LARGE1: variants seen among roughly 807,000 people sequenced by gnomAD.
LARGE1 encodes the protein xylosyl- and glucuronyltransferase LARGE1.
Under a neutral mutation model 87.6 loss-of-function variants are expected in LARGE1, and 43 were observed. The observed-to-expected ratio is 0.49, with a 90% CI of 0.38 to 0.63. The LOEUF (loss-of-function observed/expected upper bound fraction) is 0.63. LARGE1 is among the 30% of genes least tolerant of loss of function. The pLI is 0.00. For synonymous variants in LARGE1, 434 were observed against 394.6 expected (o/e 1.10, Z -1.18); for missense variants, 802 against 1,000.2 (o/e 0.80, Z 2.67).
At chr22:33,889,277 G>C (rs908513400) in intron 1 of LARGE1, 1 of 152,228 alleles carries the variant, frequency 6.6e-6, no homozygotes, top group African/African-American at 2.4e-5. Flanking sequence ...GCAAGTGTAT[G>C]TCTGACAATT....
chr22:33,383,007 G>A (rs1461056661), intron 8 of LARGE1, among the ~76,000 whole-genome samples: 1 of 152,070 alleles, frequency 6.6e-6, no homozygotes, highest in Non-Finnish European at 1.5e-5. Context: ...TGTTTCCTCC[G>A]TATTATGAAA....
At chr22:33,753,112 C>CA (rs915433089) in intron 2 of LARGE1, among the ~76,000 whole-genome samples, 3 of 152,104 alleles carry the variant, frequency 2.0e-5, no homozygotes, top group African/African-American at 7.2e-5. Context: ...CCCAGCTACT[C>CA]AGGAGGCTGA....
At chr22:33,141,888 G>C in the LARGE1 span, among the ~76,000 whole-genome samples, 2 of 152,098 alleles carry the variant, frequency 1.3e-5, no homozygotes, top group Non-Finnish European at 2.9e-5. Context: ...ACACTTTCCT[G>C]TTTCTTTACA....
intron 9 of LARGE1, among the ~76,000 whole-genome samples, chr22:33,380,552 C>CT (rs1436656727): frequency 2.6e-5 from 4 of 152,042 alleles, no homozygotes; most frequent in Non-Finnish European, 5.9e-5. Context: ...AGGTAACAGA[C>CT]TAACTATTGG....
At chr22:33,567,771 C>T (rs5999014) in intron 5 of LARGE1, among the ~76,000 whole-genome samples, 19,259 of 152,152 alleles carry the variant, frequency 0.13, 1,969 homozygotes, top group African/African-American at 0.29. Context: ...TCACCCTCCC[C>T]TCTTTTGGAG....
intron 11 of LARGE1, among the ~76,000 whole-genome samples, chr22:33,307,300 C>T (rs577981021): frequency 1.3e-5 from 2 of 152,300 alleles, no homozygotes; most frequent in South Asian, 2.1e-4. Context: ...TCTTTCAAGT[C>T]ACGCAGTTAC....
chr22:33,385,539 A>C (rs2065294707), intron 7 of LARGE1, among the ~76,000 whole-genome samples: 1 of 146,094 alleles, frequency 6.8e-6, no homozygotes, highest in Non-Finnish European at 1.5e-5. Context: ...AAAAAAAAAA[A>C]AAAAAAAAAA....
chr22:33,813,073 G>A (rs781000815), intron 1 of LARGE1, among the ~76,000 whole-genome samples: 3 of 151,978 alleles, frequency 2.0e-5, no homozygotes, highest in Non-Finnish European at 4.4e-5. Flanking sequence ...TGCCACTCTA[G>A]GCCGGGCGCA....
downstream of LARGE1, among the ~76,000 whole-genome samples, chr22:33,158,772 G>GT (rs1012399351): frequency 2.6e-5 from 4 of 152,042 alleles, no homozygotes; most frequent in Admixed American, 6.6e-5. Context: ...CAATTTTCCC[G>GT]TAACACTGGA....
chr22:33,656,170 C>T (rs1372687891), intron 2 of LARGE1, among the ~76,000 whole-genome samples: 1 of 151,942 alleles, frequency 6.6e-6, no homozygotes, highest in Non-Finnish European at 1.5e-5. Flanking sequence ...AAAGACATAG[C>T]CGAGACTGGG....
intron 12 of LARGE1, among the ~76,000 whole-genome samples, chr22:33,290,657 C>A (rs537876633): frequency 6.6e-6 from 1 of 152,300 alleles, no homozygotes; most frequent in South Asian, 2.1e-4. Context: ...GGTTTGGCAA[C>A]ATGGAGGTCG....
intron 6 of LARGE1, among the ~76,000 whole-genome samples, chr22:33,506,397 T>C (rs1045284133): frequency 6.6e-6 from 1 of 152,250 alleles, no homozygotes; most frequent in Non-Finnish European, 1.5e-5. Flanking sequence ...ATCAGAGACA[T>C]GCTGTTCCTG....
chr22:33,760,959 C>G (rs2084707045), intron 2 of LARGE1, among the ~76,000 whole-genome samples: 1 of 151,890 alleles, frequency 6.6e-6, no homozygotes, highest in South Asian at 2.1e-4. Flanking sequence ...ACCAGACAAA[C>G]AAACAAAAAA....
At chr22:33,173,140 A>T (rs1181333427) in intron 11 of LARGE1, among the ~76,000 whole-genome samples, 5 of 152,248 alleles carry the variant, frequency 3.3e-5, no homozygotes, top group African/African-American at 1.2e-4. Context: ...AGAGAAGCCC[A>T]TTCGATTAAC....
chr22:33,461,759 T>G (rs1255616510), intron 6 of LARGE1, among the ~76,000 whole-genome samples: 3 of 151,840 alleles, frequency 2.0e-5, no homozygotes, highest in African/African-American at 7.3e-5. Context: ...TCTCTCTGTC[T>G]CTTATTGTTT....
At chr22:33,715,387 A>G (rs1162304461) in intron 2 of LARGE1, among the ~76,000 whole-genome samples, 1 of 152,138 alleles carries the variant, frequency 6.6e-6, no homozygotes, top group Non-Finnish European at 1.5e-5. Flanking sequence ...TCTTTGAATT[A>G]ATGTTCCTAA....
At chr22:33,677,772 C>T (rs2267255) in intron 2 of LARGE1, among the ~76,000 whole-genome samples, 77,165 of 152,040 alleles carry the variant, frequency 0.51, 19,899 homozygotes, top group African/African-American at 0.6. Context: ...AGACCAACAG[C>T]TTACACCCTG....
At position 33,274,198 on chromosome 22, in the gene LARGE1, A is replaced by C; in HGVS notation, c.*229T>G. 1.6e-6 allele frequency: 1 copy of C among 610,694 alleles called. No individual in the cohort carries two copies. Among genetic ancestry groups the C allele is most frequent in the Admixed American group, 2.8e-5 (1 of 36,212 alleles). 37.8% of individuals were successfully genotyped at this position (610,694 alleles called of 1,614,324 possible). Reference sequence around the variant, plus strand: ...TTCCCATTCTTGAAGAGACTCATCTAGGTGGGCTGCATAGCTAACCTCTGG... The same window carrying C: ...TTCCCATTCTTGAAGAGACTCATCTCGGTGGGCTGCATAGCTAACCTCTGG... On this transcript the variant is annotated 3_prime_UTR_variant, in exon 15 of 15. Transcript: ENST00000397394.
chr22:33,548,420 T>TTTC (rs1555953520), intron 6 of LARGE1, among the ~76,000 whole-genome samples: 1 of 41,634 alleles, frequency 2.4e-5, no homozygotes, highest in Non-Finnish European at 6.6e-5. Context: ...GGCATTCCGT[T>TTTC]TTTTTTTTCT....
Sources: allele counts gnomAD v4.1 joint callset (sites outside exome capture counted in the v4.1 genomes callset), GRCh38; gene constraint gnomAD v4.1.1; transcripts MANE v1.5; gene names NCBI Gene and HGNC (gene_info 2026-07-23, HGNC 2026-07-21).